The following NTRK2 variants were observed in gnomAD, a reference collection of about 807,000 sequenced individuals.
NTRK2 encodes neurotrophic receptor tyrosine kinase 2, also known as BDNF/NT-3 growth factors receptor.
Under a neutral mutation model 94.5 loss-of-function variants are expected in NTRK2, and 13 were observed. That is an observed-to-expected ratio of 0.14 (90% confidence interval 0.09 to 0.22). The LOEUF is 0.22. Among genes scored for constraint, NTRK2 ranks in the 10% least tolerant of loss-of-function variants. The pLI is 1.00. For missense variants in NTRK2, 639 were observed against 1,071.2 expected (o/e 0.60, Z 5.63); for synonymous variants, 372 against 407.4 (o/e 0.91, Z 1.05).
At chr9:84,770,764 A>C (rs965460118) in intron 12 of NTRK2, among the ~76,000 whole-genome samples, 1 of 152,164 alleles carries the variant, frequency 6.6e-6, no homozygotes, top group African/African-American at 2.4e-5. Context: ...CACGTTTCAT[A>C]ATAATCTTGC....
intron 14 of NTRK2, chr9:84,876,970 A>G: frequency 9.4e-7 from 1 of 1,061,328 alleles, no homozygotes; most frequent in Non-Finnish European, 1.1e-6. Flanking sequence ...TAAAGAGGAA[A>G]ACACTCATTT....
chr9:84,759,275 C>T (rs1010051985), intron 12 of NTRK2, among the ~76,000 whole-genome samples: 3 of 152,218 alleles, frequency 2.0e-5, no homozygotes, highest in African/African-American at 7.2e-5. Flanking sequence ...TCCCTGCCAA[C>T]ATTTGGCTTC....
intron 17 of NTRK2, among the ~76,000 whole-genome samples, chr9:84,989,689 C>CT (rs1564529702): frequency 6.6e-6 from 1 of 152,202 alleles, no homozygotes; most frequent in African/African-American, 2.4e-5. Flanking sequence ...TTCCAAAAGC[C>CT]GCAGAGCAGA....
At chr9:84,863,486 C>T (rs958986230) in intron 13 of NTRK2, among the ~76,000 whole-genome samples, 99 of 152,146 alleles carry the variant, frequency 6.5e-4, no homozygotes, top group Admixed American at 6.0e-3. Flanking sequence ...GTTTAACACA[C>T]GGTGATGTGC....
At chr9:85,018,480 G>A (rs1832478715) in intron 17 of NTRK2, among the ~76,000 whole-genome samples, 2 of 152,186 alleles carry the variant, frequency 1.3e-5, no homozygotes, top group South Asian at 2.1e-4. Flanking sequence ...CCTTGGCATT[G>A]CCATGTGGGC....
At chr9:84,831,224 T>C (rs1004435541) in intron 12 of NTRK2, among the ~76,000 whole-genome samples, 8 of 152,216 alleles carry the variant, frequency 5.3e-5, no homozygotes, top group African/African-American at 1.9e-4. Flanking sequence ...TTATGAGGTT[T>C]TGATATTAAG....
At chr9:84,830,166 C>G (rs1019641947) in intron 12 of NTRK2, among the ~76,000 whole-genome samples, 9 of 152,198 alleles carry the variant, frequency 5.9e-5, no homozygotes, top group Non-Finnish European at 1.2e-4. Flanking sequence ...CTGGCAACGA[C>G]AGCAGGTCAA....
intron 12 of NTRK2, among the ~76,000 whole-genome samples, chr9:84,779,371 T>C (rs1035692474): frequency 6.6e-6 from 1 of 152,188 alleles, no homozygotes; most frequent in African/African-American, 2.4e-5. Context: ...ATGGAACACA[T>C]AGATTTGCTG....
chr9:84,843,927 G>T (rs138345344), intron 12 of NTRK2, among the ~76,000 whole-genome samples: 8 of 152,284 alleles, frequency 5.3e-5, no homozygotes, highest in African/African-American at 1.9e-4. Context: ...TGAGGGAAAA[G>T]GATTTTAAGG....
At chr9:84,850,142 G>A (rs1020861107) in intron 12 of NTRK2, among the ~76,000 whole-genome samples, 13 of 152,192 alleles carry the variant, frequency 8.5e-5, no homozygotes, top group South Asian at 4.2e-4. Flanking sequence ...AACTTTTAAT[G>A]TGAATTTTGT....
At chr9:84,791,653 C>A (rs891362408) in intron 12 of NTRK2, among the ~76,000 whole-genome samples, 1 of 152,020 alleles carries the variant, frequency 6.6e-6, no homozygotes, top group African/African-American at 2.4e-5. Flanking sequence ...ATACATTGCT[C>A]GTAGAAGTAA....
intron 14 of NTRK2, among the ~76,000 whole-genome samples, chr9:84,916,647 G>A (rs1462585126): frequency 6.6e-6 from 1 of 152,126 alleles, no homozygotes; most frequent in Non-Finnish European, 1.5e-5. Flanking sequence ...CTTATTTCTT[G>A]CCTTCCTTAA....
intron 9 of NTRK2, among the ~76,000 whole-genome samples, chr9:84,734,792 C>G (rs2063136854): frequency 6.6e-6 from 1 of 152,200 alleles, no homozygotes; most frequent in African/African-American, 2.4e-5. Flanking sequence ...AATGAAACCT[C>G]TTTCCTTTAT....
intron 12 of NTRK2, among the ~76,000 whole-genome samples, chr9:84,845,283 A>G (rs2074412631): frequency 6.9e-6 from 1 of 145,428 alleles, no homozygotes. Context: ...ACACACACAC[A>G]CGGCTATCAC....
intron 14 of NTRK2, among the ~76,000 whole-genome samples, chr9:84,903,043 G>A (rs2076977465): frequency 6.6e-6 from 1 of 152,180 alleles, no homozygotes; most frequent in Admixed American, 6.5e-5. Flanking sequence ...GAAGATGAAA[G>A]GAGTTTTTGA....
chr9:84,956,391 A>G (rs1329998501), intron 17 of NTRK2, among the ~76,000 whole-genome samples: 1 of 152,206 alleles, frequency 6.6e-6, no homozygotes, highest in Non-Finnish European at 1.5e-5. Flanking sequence ...TAACTTTGTT[A>G]ACTGAGATTT....
intron 12 of NTRK2, among the ~76,000 whole-genome samples, chr9:84,808,889 C>T (rs182719139): frequency 6.6e-6 from 1 of 152,294 alleles, no homozygotes; most frequent in East Asian, 1.9e-4. Context: ...ATGACACTAG[C>T]ACTTGGCAGA....
intron 12 of NTRK2, among the ~76,000 whole-genome samples, chr9:84,788,317 A>G (rs2068336619): frequency 6.6e-6 from 1 of 152,228 alleles, no homozygotes. Flanking sequence ...AATTCAGTAG[A>G]TGCAGATCAG....
chr9:84,724,158 C>T, intron 7 of NTRK2, 66 bp from the exon 8 acceptor site: 2 of 1,589,656 alleles, frequency 1.3e-6, no homozygotes, highest in South Asian at 2.2e-5. Context: ...GGGAAGAAAC[C>T]CCAAATCTTG....
Sources: allele counts gnomAD v4.1 joint callset (sites outside exome capture counted in the v4.1 genomes callset), GRCh38; gene constraint gnomAD v4.1.1; transcripts MANE v1.5; gene names NCBI Gene and HGNC (gene_info 2026-07-23, HGNC 2026-07-21).